SLC38A10: variants seen among roughly 807,000 people sequenced by gnomAD.
SLC38A10 encodes the protein Sodium-coupled neutral amino acid transporter 10.
Under a neutral mutation model 81.0 loss-of-function variants are expected in SLC38A10, and 53 were observed. The observed-to-expected ratio is 0.65, with a 90% CI of 0.53 to 0.82. SLC38A10 has a LOEUF of 0.82. Among genes scored for constraint, SLC38A10 ranks in the 40% least tolerant of loss-of-function variants. The probability of loss-of-function intolerance (pLI) is 0.00; values close to 1 mark genes in which losing one functional copy is unlikely to be tolerated. For missense variants in SLC38A10, 1,471 were observed against 1,545.0 expected (o/e 0.95, Z 0.80); for synonymous variants, 665 against 655.3 (o/e 1.01, Z -0.23).
Position 81,253,678 on chromosome 17 carries a change from C to T in SLC38A10, c.1289-438G>A, listed in dbSNP as rs2062942031. On this transcript the variant is annotated intron_variant, in intron 11 of 15. Transcript: ENST00000374759. This position sits in a 1 kb window ranked among gnomAD's most constrained non-coding sequence, Gnocchi z 4.1. Reference sequence around the variant, plus strand: ...CACCATCATCACCATCATCTCCATCCCTACCACCAACATCACCATCATCAC... The same window carrying T: ...CACCATCATCACCATCATCTCCATCTCTACCACCAACATCACCATCATCAC... Among the ~76,000 whole-genome samples the T allele has an allele frequency of 6.7e-6, 1 of 149,232 alleles. No individual in the cohort carries two copies. Among genetic ancestry groups the T allele is most frequent in the South Asian group, 2.2e-4 (1 of 4,630 alleles).
Position 81,280,912 on chromosome 17 carries a change from G to A in SLC38A10, c.502-179C>T, listed in dbSNP as rs1450516628. On this transcript the variant is annotated intron_variant, in intron 5 of 15. Coordinates refer to ENST00000374759, the MANE Select transcript of SLC38A10 (RefSeq NM_001037984.3). The stretch of plus-strand genomic sequence containing the variant: ...CCTTGTGCCGCCAGCTGGAGGCAGG[G>A]AGACCCCGCGCCTTTCTGGATTCCC... Among the ~76,000 whole-genome samples the A allele has an allele frequency of 2.0e-5, 3 of 152,184 alleles. No homozygotes were observed. In the East Asian group the frequency reaches 5.8e-4, roughly 29 times the overall value.
chr17:81,280,497 T>C lies in SLC38A10; in HGVS notation c.626+112A>G, dbSNP rs1322245072. On this transcript the variant is annotated intron_variant, in intron 6 of 15. Coordinates refer to ENST00000374759, the MANE Select transcript of SLC38A10 (RefSeq NM_001037984.3). ...TCATCACTGAACAAGACATCACTCT[T>C]TAGCAGCCAGCAAAGAGCGATCACA... The C allele has an allele frequency of 2.8e-5, 41 of 1,487,230 alleles. No individual in the cohort carries two copies. The South Asian group carries it at 2.8e-4, about 10-fold the overall frequency. The allele number at this position is 1,487,230 out of a possible 1,614,324, so 92.1% of individuals were successfully genotyped here. A position where few individuals can be genotyped will look rare whatever the true frequency, so the allele number is the denominator to read the frequency against.
chr17:81,279,522 G>A (rs1414985306), intron 6 of SLC38A10, among the ~76,000 whole-genome samples: 2 of 152,208 alleles, frequency 1.3e-5, no homozygotes, highest in Non-Finnish European at 2.9e-5. Flanking sequence ...CACAAGGAGG[G>A]ATGTCCCTGC....
intron 15 of SLC38A10, 43 bp from the exon 16 acceptor site, chr17:81,246,716 A>G (rs750086317): frequency 2.3e-5 from 34 of 1,502,584 alleles, no homozygotes; most frequent in African/African-American, 8.4e-5. Context: ...AGCACTGTAC[A>G]CAGGCTGCCA....
In SLC38A10 at chr17:81,295,183, C is replaced by A; in HGVS notation, c.-262G>T. On this transcript the variant is annotated 5_prime_UTR_variant, in exon 1 of 16. Coordinates refer to ENST00000374759, the MANE Select transcript of SLC38A10 (RefSeq NM_001037984.3). ...GCCAAGCCCTGCGGCCGCCTCAGGGCCATGCGTCCCTCGCTCGGCCTCGCG... is the reference window on the plus strand; with the variant it reads ...GCCAAGCCCTGCGGCCGCCTCAGGGACATGCGTCCCTCGCTCGGCCTCGCG... 1 of 284,836 alleles carries A rather than the reference C, an allele frequency of 3.5e-6. No individual in the cohort carries two copies. The highest frequency in any genetic ancestry group is 5.9e-6 in the Non-Finnish European group (1 of 169,910). The allele number at this position is 284,836 out of a possible 1,614,324, so 17.6% of individuals were successfully genotyped here.
intron 11 of SLC38A10, among the ~76,000 whole-genome samples, chr17:81,259,672 G>A (rs553111185): frequency 1.3e-3 from 192 of 152,172 alleles, no homozygotes; most frequent in Non-Finnish European, 8.2e-4. Context: ...AGACGGAGGC[G>A]TCAGGGTTAT....
intron 14 of SLC38A10, among the ~76,000 whole-genome samples, chr17:81,248,112 C>G (rs765376761): frequency 2.0e-5 from 3 of 151,898 alleles, no homozygotes; most frequent in African/African-American, 7.2e-5. Context: ...CGCCCGCCAC[C>G]GCGCCCGGCT....
intron 14 of SLC38A10, chr17:81,251,272 G>A (rs752929997): frequency 6.8e-6 from 10 of 1,474,952 alleles, no homozygotes; most frequent in Middle Eastern, 1.9e-4. Flanking sequence ...GATGCCGCAG[G>A]TGTTTAAAGG....
chr17:81,282,456 CG>C, intron 4 of SLC38A10, 124 bp from the exon 5 acceptor site: 3 of 1,361,448 alleles, frequency 2.2e-6, no homozygotes, highest in Non-Finnish European at 3.0e-6. Context: ...TGAATGACGC[CG>C]GCGGGTCTGA....
At chr17:81,255,504 G>A (rs984076137) in intron 11 of SLC38A10, among the ~76,000 whole-genome samples, 11 of 152,218 alleles carry the variant, frequency 7.2e-5, no homozygotes, top group East Asian at 1.9e-4. Flanking sequence ...GAGTGCCCCC[G>A]CCAGCTCACG....
intron 15 of SLC38A10, 64 bp downstream of exon 15, chr17:81,246,819 CCG>C: frequency 6.6e-7 from 1 of 1,519,754 alleles, no homozygotes; most frequent in East Asian, 2.3e-5. Flanking sequence ...TCAGACCCAG[CCG>C]CATGAGGACA....
chr17:81,249,760 C>A (rs1039791079), intron 14 of SLC38A10, among the ~76,000 whole-genome samples: 1 of 152,106 alleles, frequency 6.6e-6, no homozygotes. Flanking sequence ...CAGGCAGCGT[C>A]CCCCCTTGGC....
At position 81,289,944 on chromosome 17, in the gene SLC38A10, C is replaced by T. The variant is rs142341256; in HGVS notation, c.100-136G>A. 6.8e-4 allele frequency: 450 copies of T among 660,710 alleles called. No individual in the cohort carries two copies. The African/African-American group carries it at 7.7e-3, about 11-fold the overall frequency. 40.9% of individuals were successfully genotyped at this position (660,710 alleles called of 1,614,324 possible). A position where few individuals can be genotyped will look rare whatever the true frequency, so the allele number is the denominator to read the frequency against. On this transcript the variant is annotated intron_variant, in intron 1 of 15. Coordinates refer to ENST00000374759, the MANE Select transcript of SLC38A10 (RefSeq NM_001037984.3). The surrounding 1 kb of genome is among the most constrained non-coding windows in gnomAD (Gnocchi z 5.9). ...TCCCAGTCTCCTGCCGAACGCGACA[C>T]TTCCTAGCACTGAAAGGGCCATTTC...
At position 81,289,577 on chromosome 17, in the gene SLC38A10, AC is replaced by A; in HGVS notation, c.217+113del. 1 of 735,732 alleles carries A rather than the reference AC, an allele frequency of 1.4e-6. No individual in the cohort carries two copies. Among genetic ancestry groups the A allele is most frequent in the Non-Finnish European group, 2.0e-6 (1 of 498,106 alleles). 45.6% of individuals were successfully genotyped at this position (735,732 alleles called of 1,614,324 possible). Reference sequence around the variant, plus strand: ...AGCATTACATTTTAAAATAAAAAAAACCCTGCTATCCAAGGAATTCTTGAAG... The same window carrying A: ...AGCATTACATTTTAAAATAAAAAAAACCTGCTATCCAAGGAATTCTTGAAG... On this transcript the variant is annotated intron_variant, in intron 2 of 15. Coordinates refer to ENST00000374759, the MANE Select transcript of SLC38A10 (RefSeq NM_001037984.3). This position sits in a 1 kb window ranked among gnomAD's most constrained non-coding sequence, Gnocchi z 5.9.
At chr17:81,285,047 A>G (rs2063251158) in intron 2 of SLC38A10, 152 bp from the exon 3 acceptor site, 3 of 567,696 alleles carry the variant, frequency 5.3e-6, no homozygotes, top group African/African-American at 2.0e-5. Context: ...TCTGGCTGCC[A>G]GGTTATTTTT....
At chr17:81,258,382 T>C (rs2062991375) in intron 11 of SLC38A10, among the ~76,000 whole-genome samples, 1 of 152,124 alleles carries the variant, frequency 6.6e-6, no homozygotes, top group Admixed American at 6.5e-5. Context: ...GCCATGTGTT[T>C]TGTTACAGCC....
At chr17:81,268,667 A>G (rs1236497951) in intron 10 of SLC38A10, among the ~76,000 whole-genome samples, 2 of 152,200 alleles carry the variant, frequency 1.3e-5, no homozygotes, top group Admixed American at 1.3e-4. Context: ...AAGAATAGAA[A>G]TGTACCAACA....
At chr17:81,252,109 A>C in intron 13 of SLC38A10, 86 bp downstream of exon 13, 1 of 1,468,208 alleles carries the variant, frequency 6.8e-7, no homozygotes, top group South Asian at 1.4e-5. Context: ...GGACTGAGGG[A>C]GGAACCATCG....
chr17:81,247,061 T>G lies in SLC38A10; in HGVS notation c.2066A>C (p.Glu689Ala). 1 of 1,580,716 alleles carries G rather than the reference T, an allele frequency of 6.3e-7. No individual in the cohort carries two copies. ...GGNQAASQLE[E>A]AGRAEMLDHA... is the part of the protein sequence containing the mutation. ...GTCCAGCATCTCCGCCCTGCCAGCT[T>G]CTGGGTTTGGAAAGCACACAGTCAG... Residue 689 changes from glutamate to alanine, a missense_variant and splice_region_variant, in exon 15 of 16, where the codon GAA becomes GCA. Physicochemically the swap from Glu to Ala is moderately radical, Grantham distance 107. Transcript: ENST00000374759.
Sources: allele counts gnomAD v4.1 joint callset (sites outside exome capture counted in the v4.1 genomes callset), GRCh38; gene constraint gnomAD v4.1.1; non-coding constraint Gnocchi (gnomAD v3.1); transcripts MANE v1.5; gene names NCBI Gene and HGNC (gene_info 2026-07-23, HGNC 2026-07-21).